DENND5B: variants seen among roughly 807,000 people sequenced by gnomAD.
DENND5B encodes the protein DENN domain-containing protein 5B.
In DENND5B, 34 loss-of-function variants were observed where a neutral mutation model predicts 140.6. That is an observed-to-expected ratio of 0.24 (90% CI 0.18 to 0.32). The LOEUF is 0.32. DENND5B is among the 10% of genes least tolerant of loss of function. The probability of loss-of-function intolerance (pLI) is 1.00; values close to 1 mark genes in which losing one functional copy is unlikely to be tolerated. For synonymous variants in DENND5B, 551 were observed against 562.1 expected, an observed-to-expected ratio of 0.98 and a Z score of 0.28; for missense variants, 1,142 against 1,560.2, an observed-to-expected ratio of 0.73 and a Z score of 4.52.
Position 31,479,964 on chromosome 12 carries a change from T to C in DENND5B, c.529A>G (p.Asn177Asp). The part of the protein sequence containing the change: ...TTSLLKLQRY[N>D]SYDISRDTLY... The stretch of plus-strand genomic sequence containing the variant: ...GTGTCTCTGCTAATATCATAGGAGT[T>C]GTATCGCTGGAGTTTCAAAAGGGAA... The change falls in exon 3 of 21, where the codon AAC becomes GAC. Residue 177 changes from asparagine (N) to aspartate (D), a missense_variant. By Grantham distance (23) the Asn-to-Asp change is conservative (BLOSUM62 1). Coordinates refer to ENST00000389082, the MANE Select transcript of DENND5B (RefSeq NM_144973.4). The C allele has an allele frequency of 6.2e-7, 1 of 1,613,968 alleles. No homozygotes were observed. The highest frequency in any genetic ancestry group is 8.5e-7 in the Non-Finnish European group (1 of 1,179,868).
intron 4 of DENND5B, among the ~76,000 whole-genome samples, chr12:31,458,782 A>G (rs1944889831): frequency 6.6e-6 from 1 of 152,352 alleles, no homozygotes; most frequent in South Asian, 2.1e-4. Flanking sequence ...ATGAGATTCT[A>G]TTAAGAAAGA....
intron 1 of DENND5B, among the ~76,000 whole-genome samples, chr12:31,523,171 AC>A (rs796375787): frequency 2.8e-4 from 42 of 147,810 alleles, no homozygotes; most frequent in African/African-American, 1.1e-3. Flanking sequence ...CGATCATCCC[AC>A]CCGAACCTCC....
intron 1 of DENND5B, among the ~76,000 whole-genome samples, chr12:31,580,172 A>AT (rs1225125350): frequency 6.6e-6 from 1 of 151,966 alleles, no homozygotes; most frequent in Admixed American, 6.6e-5. Flanking sequence ...ACTGCCCATC[A>AT]TTTACATGCT....
At chr12:31,506,605 T>G (rs1263702357) in intron 1 of DENND5B, among the ~76,000 whole-genome samples, 2 of 152,182 alleles carry the variant, frequency 1.3e-5, no homozygotes, top group African/African-American at 4.8e-5. Flanking sequence ...ACTTTGGAAG[T>G]CCCAGGCTAC....
At chr12:31,541,974 C>G (rs1276412823) in intron 1 of DENND5B, among the ~76,000 whole-genome samples, 1 of 152,166 alleles carries the variant, frequency 6.6e-6, no homozygotes, top group East Asian at 1.9e-4. Flanking sequence ...CATGTTTTCA[C>G]TTATTTGTGG....
intron 11 of DENND5B, among the ~76,000 whole-genome samples, chr12:31,418,557 G>A (rs941974091): frequency 2.0e-5 from 3 of 151,394 alleles, no homozygotes; most frequent in African/African-American, 7.3e-5. Flanking sequence ...GCCTCCCAAA[G>A]TGCTGGGATT....
At chr12:31,415,510 T>G (rs1593105770) in intron 11 of DENND5B, 62 bp from the exon 12 acceptor site, 3 of 1,344,444 alleles carry the variant, frequency 2.2e-6, no homozygotes, top group Non-Finnish European at 3.1e-6. Flanking sequence ...TGGTTCATAT[T>G]AAATACTTTG....
intron 17 of DENND5B, among the ~76,000 whole-genome samples, chr12:31,393,553 G>T (rs1025272728): frequency 6.6e-6 from 1 of 152,152 alleles, no homozygotes; most frequent in Non-Finnish European, 1.5e-5. Flanking sequence ...TCAGAAGTAG[G>T]TAACAACAGA....
intron 7 of DENND5B, among the ~76,000 whole-genome samples, chr12:31,435,914 G>A (rs10771831): frequency 0.4 from 60,917 of 151,656 alleles, 12,821 homozygotes; most frequent in Admixed American, 0.57. Context: ...CGCCCACCTC[G>A]GCCTCCCAAG....
chr12:31,509,983 C>G (rs893908809), intron 1 of DENND5B, among the ~76,000 whole-genome samples: 1 of 152,212 alleles, frequency 6.6e-6, no homozygotes, highest in African/African-American at 2.4e-5. Flanking sequence ...CCACCATGAT[C>G]TAGCTGGACC....
At chr12:31,482,201 G>A (rs1421155222) in intron 2 of DENND5B, among the ~76,000 whole-genome samples, 1 of 151,998 alleles carries the variant, frequency 6.6e-6, no homozygotes, top group African/African-American at 2.4e-5. Flanking sequence ...CCACATTTTG[G>A]GTTTCTTTTC....
At chr12:31,574,273 T>TAAC (rs1949928767) in intron 1 of DENND5B, among the ~76,000 whole-genome samples, 1 of 134,562 alleles carries the variant, frequency 7.4e-6, no homozygotes, top group Non-Finnish European at 1.6e-5. Flanking sequence ...TAAAAAATAA[T>TAAC]AATAATAATA....
intron 1 of DENND5B, among the ~76,000 whole-genome samples, chr12:31,576,190 A>T (rs377760551): frequency 1.3e-5 from 2 of 150,614 alleles, no homozygotes; most frequent in South Asian, 2.1e-4. Context: ...AGGGGCTCAC[A>T]CCTGTAATCC....
intron 1 of DENND5B, among the ~76,000 whole-genome samples, chr12:31,509,331 G>A (rs574686501): frequency 6.6e-6 from 1 of 152,212 alleles, no homozygotes; most frequent in Non-Finnish European, 1.5e-5. Context: ...CTAAAGAGGA[G>A]TTAATTTGGC....
At chr12:31,392,513 G>A in intron 18 of DENND5B, 101 bp downstream of exon 18, 2 of 1,530,928 alleles carry the variant, frequency 1.3e-6, no homozygotes, top group Non-Finnish European at 8.8e-7. Context: ...CTACCAGAAA[G>A]CTTACAAATG....
At position 31,413,480 on chromosome 12, in the gene DENND5B, C is replaced by G; in HGVS notation, c.2637G>C (p.Leu879Phe). 6.2e-7 allele frequency: 1 copy of G among 1,613,814 alleles called. No homozygotes were observed. Among genetic ancestry groups the G allele is most frequent in the Non-Finnish European group, 8.5e-7 (1 of 1,179,784 alleles). The change falls in exon 13 of 21, where the codon TTG (leucine) becomes TTC (phenylalanine). Residue 879 changes from leucine to phenylalanine, a missense_variant. Leu to Phe is a conservative substitution (Grantham distance 22, BLOSUM62 0). This residue lies in a region of DENND5B where 268 missense variants were observed against 349.2 expected (regional missense o/e 0.77). Transcript: ENST00000389082. ...WIRLSLEKKL[L>F]SQHLKQLLSN... ...AAAGCAACTGCTTAAGATGCTGGGA[C>G]AAGAGCTTCTTTTCTAGAGACAGTC...
At chr12:31,485,316 C>T (rs4421825) in intron 2 of DENND5B, among the ~76,000 whole-genome samples, 1 of 152,162 alleles carries the variant, frequency 6.6e-6, no homozygotes, top group Non-Finnish European at 1.5e-5. Flanking sequence ...TCAAGCATCT[C>T]GACAATTTTT....
At chr12:31,424,770 G>T (rs879815960) in intron 9 of DENND5B, 83 bp from the exon 10 acceptor site, 15 of 1,523,910 alleles carry the variant, frequency 9.8e-6, no homozygotes, top group African/African-American at 5.5e-5. Flanking sequence ...AGGAGACTTG[G>T]TTTCCCTTCA....
At chr12:31,579,740 G>A (rs1950150116) in intron 1 of DENND5B, among the ~76,000 whole-genome samples, 2 of 146,980 alleles carry the variant, frequency 1.4e-5, no homozygotes, top group Non-Finnish European at 1.5e-5. Context: ...GGGAGGGGAG[G>A]GGAGGGAAGG....
Sources: gnomAD v4.1 joint callset for allele counts (sites outside exome capture counted in the v4.1 genomes callset) on GRCh38, gnomAD v4.1.1 for gene constraint, gnomAD v4.1.1 regional missense constraint, MANE v1.5 for transcripts, NCBI Gene and HGNC (gene_info 2026-07-23, HGNC 2026-07-21) for gene names.